Variants in POLR1C observed in about 807,000 individuals in gnomAD.
POLR1C encodes the protein DNA-directed RNA polymerases I and III subunit RPAC1.
A neutral mutation model predicts 38.3 loss-of-function variants in POLR1C; 42 were observed. That is an observed-to-expected ratio of 1.10 (90% CI 0.86 to 1.42). POLR1C has a LOEUF of 1.42. Ranked by LOEUF, POLR1C falls within the 40% of genes most tolerant of loss-of-function variation. POLR1C has a pLI of 0.00. For synonymous variants in POLR1C, 163 were observed against 163.9 expected (o/e 0.99, Z 0.04); for missense variants, 507 against 450.5 (o/e 1.13, Z -1.14).
chr6:43,558,639 G>C (rs773189289), intron 10 of POLR1C: 1 of 1,433,696 alleles, frequency 7.0e-7, no homozygotes, highest in African/African-American at 1.4e-5. Flanking sequence ...TGGACCCACT[G>C]AAAGAGTTTT....
intron 9 of POLR1C, chr6:43,549,860 G>A (rs778034378): frequency 6.3e-7 from 1 of 1,588,136 alleles, no homozygotes; most frequent in Non-Finnish European, 8.6e-7. Flanking sequence ...TACTCAAGAA[G>A]TTAGAATCTA....
At chr6:43,557,326 T>C (rs1281822790) in intron 10 of POLR1C, among the ~76,000 whole-genome samples, 2 of 150,374 alleles carry the variant, frequency 1.3e-5, no homozygotes, top group African/African-American at 4.9e-5. Context: ...TTCAGGAGGC[T>C]GAGGCAGGAG....
At chr6:43,544,477 G>C (rs1460485166) in intron 9 of POLR1C, among the ~76,000 whole-genome samples, 1 of 152,168 alleles carries the variant, frequency 6.6e-6, no homozygotes, top group Non-Finnish European at 1.5e-5. Flanking sequence ...GTGGCCTCTA[G>C]AGTCAACCAG....
chr6:43,539,315 A>G, intron 9 of POLR1C: 1 of 1,567,866 alleles, frequency 6.4e-7, no homozygotes, highest in South Asian at 1.1e-5. Context: ...GTAGTCCCCG[A>G]TAGCAACAAA....
In POLR1C at chr6:43,527,611, C is replaced by A. The variant is rs759050729; in HGVS notation, c.923-1638C>A. 4.3e-6 allele frequency: 7 copies of A among 1,612,470 alleles called. No homozygotes were observed. In the East Asian group the frequency reaches 1.6e-4, roughly 36 times the overall value. On this transcript the variant is annotated intron_variant, in intron 8 of 8. Coordinates refer to the POLR1C transcript ENST00000304004. ...TTCTTCCAGGAAAATCCTCTATAGCCCCAGTTTCGACATGCCACTTACTGA... is the reference window on the plus strand; with the variant it reads ...TTCTTCCAGGAAAATCCTCTATAGCACCAGTTTCGACATGCCACTTACTGA...
intron 9 of POLR1C, chr6:43,539,296 G>A (rs1021310070): frequency 4.9e-5 from 75 of 1,541,488 alleles, no homozygotes; most frequent in Middle Eastern, 1.9e-4. Flanking sequence ...CCAGACCGAC[G>A]TGGCCACTGT....
chr6:43,524,704 C>T, downstream of POLR1C: 5 of 1,590,480 alleles, frequency 3.1e-6, no homozygotes, highest in South Asian at 5.7e-5. Flanking sequence ...TTTCCTGCCA[C>T]ACCCATTTCT....
At chr6:43,554,130 T>TG (rs1380969106) in intron 10 of POLR1C, among the ~76,000 whole-genome samples, 24 of 152,176 alleles carry the variant, frequency 1.6e-4, no homozygotes, top group African/African-American at 5.8e-4. Context: ...TTGTTTGAGA[T>TG]GGAGTCTCCT....
At chr6:43,524,333 CAA>C, downstream of POLR1C, 4 of 1,156,002 alleles carry the variant, frequency 3.5e-6, no homozygotes, top group South Asian at 3.5e-5. Flanking sequence ...GCCTGGGCAA[CAA>C]GAGTGAAACC....
chr6:43,549,474 G>C (rs1314259367), intron 9 of POLR1C: 1 of 1,587,142 alleles, frequency 6.3e-7, no homozygotes, highest in Non-Finnish European at 8.6e-7. Flanking sequence ...CTTCAGCCAG[G>C]GTCCAGCAGC....
At position 43,529,502 on chromosome 6, in the gene POLR1C, C is replaced by T. The variant is rs1247922627; in HGVS notation, c.*147C>T. The T allele has an allele frequency of 1.6e-5, 4 of 256,740 alleles. No individual in the cohort carries two copies. The East Asian group carries it at 5.4e-4, about 34-fold the overall frequency. The allele number at this position is 256,740 out of a possible 1,614,324, so 15.9% of individuals were successfully genotyped here. A position where few individuals can be genotyped will look rare whatever the true frequency, so the allele number is the denominator to read the frequency against. ...CTGGGAGGCGAAGCTTGCAGTGAGC[C>T]GAGATCACGCCACTGCACTCCAGCC... On this transcript the variant is annotated 3_prime_UTR_variant, in exon 9 of 9. Coordinates refer to the POLR1C transcript ENST00000304004.
chr6:43,528,986 T>C, intron 8 of POLR1C: 1 of 1,481,860 alleles, frequency 6.7e-7, no homozygotes, highest in Non-Finnish European at 9.2e-7. Context: ...TGCCAGGTGG[T>C]GGGTTGCACC....
intron 8 of POLR1C, chr6:43,527,813 T>C: frequency 1.4e-6 from 2 of 1,449,888 alleles, no homozygotes; most frequent in South Asian, 1.2e-5. Flanking sequence ...TCAGACTCTC[T>C]CTGACCACTT....
intron 9 of POLR1C, among the ~76,000 whole-genome samples, chr6:43,545,305 A>G (rs954530137): frequency 3.9e-5 from 6 of 152,146 alleles, no homozygotes; most frequent in Non-Finnish European, 5.9e-5. Context: ...TTCCCAGGAG[A>G]GTTTCACTGC....
intron 9 of POLR1C, chr6:43,539,131 C>T: frequency 8.4e-7 from 1 of 1,189,238 alleles, no homozygotes; most frequent in Admixed American, 1.9e-5. Context: ...GGCGCACCAG[C>T]ACAGAGCCAC....
At chr6:43,517,987 A>G (rs987479027) in intron 2 of POLR1C, among the ~76,000 whole-genome samples, 1 of 152,146 alleles carries the variant, frequency 6.6e-6, no homozygotes, top group Non-Finnish European at 1.5e-5. Flanking sequence ...ACCTGTTGAT[A>G]CAAGGAATAA....
downstream of POLR1C, among the ~76,000 whole-genome samples, chr6:43,532,723 T>C (rs1035282948): frequency 2.0e-5 from 3 of 152,240 alleles, no homozygotes; most frequent in Non-Finnish European, 2.9e-5. Flanking sequence ...GAGACTGGGT[T>C]AGGTCTCCCG....
chr6:43,521,448 AT>A lies in POLR1C; in HGVS notation c.*149del, dbSNP rs1793184311. 6.6e-7 allele frequency: 1 copy of A among 1,513,960 alleles called. No homozygotes were observed. Among genetic ancestry groups the A allele is most frequent in the African/African-American group, 1.4e-5 (1 of 72,086 alleles). The allele number at this position is 1,513,960 out of a possible 1,614,324, so 93.8% of individuals were successfully genotyped here. A position where few individuals can be genotyped will look rare whatever the true frequency, so the allele number is the denominator to read the frequency against. ...ATCAATACATTTTGTTAAATGTGCC[AT>A]AAAATGAGACTTTTTACGCCTTTAT... On this transcript the variant is annotated 3_prime_UTR_variant, in exon 9 of 9. Transcript: ENST00000642195.
chr6:43,517,851 C>A (rs746303578), intron 2 of POLR1C, among the ~76,000 whole-genome samples: 13 of 152,112 alleles, frequency 8.5e-5, no homozygotes, highest in Admixed American at 2.6e-4. Context: ...TTTCACTTAG[C>A]TTAAAATAAG....
Sources: allele counts gnomAD v4.1 joint callset (sites outside exome capture counted in the v4.1 genomes callset), GRCh38; gene constraint gnomAD v4.1.1; transcripts MANE v1.5; gene names NCBI Gene and HGNC (gene_info 2026-07-23, HGNC 2026-07-21).